The following AGBL4 variants were observed in gnomAD, a reference collection of about 807,000 sequenced individuals.
AGBL4 encodes AGBL carboxypeptidase 4.
In AGBL4, 58 loss-of-function variants were observed where a neutral mutation model predicts 66.4. The ratio of observed to expected loss-of-function variants is 0.87; its 90% confidence interval spans 0.71 to 1.09. The LOEUF (loss-of-function observed/expected upper bound fraction) is 1.09. Among genes scored for constraint, AGBL4 ranks in the 50% least tolerant of loss-of-function variants. The pLI is 0.00. For missense variants in AGBL4, 579 were observed against 631.0 expected (o/e 0.92, Z 0.88); for synonymous variants, 234 against 222.9 (o/e 1.05, Z -0.44).
chr1:48,551,780 C>T (rs554942125), intron 11 of AGBL4, among the ~76,000 whole-genome samples: 112 of 152,068 alleles, frequency 7.4e-4, no homozygotes, highest in African/African-American at 2.3e-3. Flanking sequence ...TCTCACTCTC[C>T]GCTCTACCCT....
At chr1:49,860,468 C>G (rs1646541275) in intron 1 of AGBL4, among the ~76,000 whole-genome samples, 1 of 152,142 alleles carries the variant, frequency 6.6e-6, no homozygotes, top group African/African-American at 2.4e-5. Context: ...AAGGCAGATG[C>G]AAGTGAATCG....
rs529425173 is a variant in AGBL4 at position 49,045,607 on chromosome 1, G to A, written c.571C>T (p.Arg191Trp). 2.2e-5 allele frequency: 35 copies of A among 1,604,156 alleles called. No individual in the cohort carries two copies. The highest frequency in any genetic ancestry group is 2.0e-4 in the East Asian group (9 of 44,490). ...LQKRNMDYFF[R>W]EQLGQSVQQR... ...ACCACACTCTGGCCCAGCTGCTCCC[G>A]AAAGAAGTAATCCATGTTTCTCTTT... Residue 191 changes from arginine (R) to tryptophan (W), a missense_variant, in exon 5 of 14, where the codon CGG (arginine) becomes TGG (tryptophan). Arg to Trp is a moderately radical substitution (Grantham distance 101). Coordinates refer to ENST00000371839, the MANE Select transcript of AGBL4 (RefSeq NM_032785.4).
intron 3 of AGBL4, among the ~76,000 whole-genome samples, chr1:49,544,637 G>A (rs182660655): frequency 1.1e-4 from 17 of 152,268 alleles, no homozygotes; most frequent in South Asian, 2.1e-4. Flanking sequence ...TTTTATGTGC[G>A]CAGCATAATC....
At chr1:49,075,364 T>C (rs1456680291) in intron 4 of AGBL4, among the ~76,000 whole-genome samples, 1 of 152,158 alleles carries the variant, frequency 6.6e-6, no homozygotes, top group African/African-American at 2.4e-5. Flanking sequence ...CAAATCAAAG[T>C]AAGCAAGGAA....
chr1:49,780,968 T>C (rs1286267940), intron 2 of AGBL4, among the ~76,000 whole-genome samples: 4 of 152,128 alleles, frequency 2.6e-5, no homozygotes, highest in Non-Finnish European at 4.4e-5. Context: ...ATATTCTCTC[T>C]ACAGGAAACA....
intron 3 of AGBL4, among the ~76,000 whole-genome samples, chr1:49,417,095 A>T (rs1645443376): frequency 6.6e-6 from 1 of 152,082 alleles, no homozygotes; most frequent in African/African-American, 2.4e-5. Flanking sequence ...AATTGACAAT[A>T]AATTAAAGTC....
At chr1:49,945,533 C>T (rs904114791) in intron 1 of AGBL4, among the ~76,000 whole-genome samples, 4 of 152,080 alleles carry the variant, frequency 2.6e-5, no homozygotes, top group Non-Finnish European at 5.9e-5. Flanking sequence ...TTCACCACTA[C>T]TAAGCCAGCA....
At chr1:49,154,484 G>T (rs1231135973) in intron 4 of AGBL4, among the ~76,000 whole-genome samples, 2 of 152,032 alleles carry the variant, frequency 1.3e-5, no homozygotes, top group African/African-American at 4.8e-5. Context: ...CCTCAACACT[G>T]CACAAAATAC....
intron 1 of AGBL4, among the ~76,000 whole-genome samples, chr1:49,939,712 T>G (rs867110839): frequency 2.6e-5 from 4 of 152,150 alleles, no homozygotes; most frequent in African/African-American, 9.6e-5. Flanking sequence ...TCAAGATGGA[T>G]TAGACTTAAA....
intron 4 of AGBL4, among the ~76,000 whole-genome samples, chr1:49,245,226 C>A (rs1391039684): frequency 2.7e-5 from 4 of 149,892 alleles, no homozygotes; most frequent in Non-Finnish European, 5.9e-5. Context: ...CTCCTCCTCA[C>A]TATAGCAATG....
intron 3 of AGBL4, among the ~76,000 whole-genome samples, chr1:49,430,177 T>G (rs769190936): frequency 6.6e-6 from 1 of 152,040 alleles, no homozygotes; most frequent in Non-Finnish European, 1.5e-5. Flanking sequence ...CTTGTTCACC[T>G]CAGATACTTC....
At chr1:48,764,152 T>C (rs1049349755) in intron 6 of AGBL4, among the ~76,000 whole-genome samples, 1 of 152,178 alleles carries the variant, frequency 6.6e-6, no homozygotes, top group African/African-American at 2.4e-5. Flanking sequence ...GAGAAGTAAC[T>C]GCTAAAGGAT....
At chr1:49,104,777 T>C (rs1273185086) in intron 4 of AGBL4, among the ~76,000 whole-genome samples, 2 of 152,200 alleles carry the variant, frequency 1.3e-5, no homozygotes, top group African/African-American at 4.8e-5. Context: ...GGAGGCACTA[T>C]AGGTCTGAGA....
chr1:48,946,628 C>G (rs996962170), intron 5 of AGBL4, among the ~76,000 whole-genome samples: 1 of 152,192 alleles, frequency 6.6e-6, no homozygotes, highest in South Asian at 2.1e-4. Flanking sequence ...CACTCTGTGT[C>G]GGGTTCCTTC....
In AGBL4 at chr1:48,593,629, T is replaced by A. The variant is rs180912769; in HGVS notation, c.952-2644A>T. On this transcript the variant is annotated intron_variant, in intron 9 of 13. Transcript: ENST00000371839. Reference sequence around the variant, plus strand: ...AGCTGGGCAGGGTGGTGGGTGCCTATAATCCCAGCTACTCAGGAGGCTGAG... The same window carrying A: ...AGCTGGGCAGGGTGGTGGGTGCCTAAAATCCCAGCTACTCAGGAGGCTGAG... Among the ~76,000 whole-genome samples the A allele has an allele frequency of 9.9e-4, 151 of 152,162 alleles. 1 individual carries two copies. Among genetic ancestry groups the A allele is most frequent in the African/African-American group, 3.5e-3 (144 of 41,512 alleles).
At chr1:49,270,791 G>A (rs1311329319) in intron 3 of AGBL4, among the ~76,000 whole-genome samples, 1 of 152,000 alleles carries the variant, frequency 6.6e-6, no homozygotes, top group East Asian at 1.9e-4. Flanking sequence ...AATTATCAAT[G>A]GCAAAAAGAT....
At chr1:48,914,224 G>T (rs1268437117) in intron 5 of AGBL4, among the ~76,000 whole-genome samples, 1 of 152,220 alleles carries the variant, frequency 6.6e-6, no homozygotes, top group African/African-American at 2.4e-5. Flanking sequence ...CTGACTGGAA[G>T]GGTGTGGTGG....
At position 48,564,987 on chromosome 1, in the gene AGBL4, A is replaced by C. The variant is rs139174955; in HGVS notation, c.1267+22017T>G. Among the ~76,000 whole-genome samples, 318 of 152,320 alleles carry C rather than the reference A, an allele frequency of 2.1e-3. 5 individuals carry two copies. Among genetic ancestry groups the C allele is most frequent in the Middle Eastern group, 3.4e-3 (1 of 294 alleles). On this transcript the variant is annotated intron_variant, in intron 11 of 13. Coordinates refer to ENST00000371839, the MANE Select transcript of AGBL4 (RefSeq NM_032785.4). ...GCTCCCTGTTCAGGGGAATTTTCAC[A>C]GTCTGTGCTGTCTCCTCCCCTTTGG...
At chr1:48,551,385 T>C (rs1644246189) in intron 11 of AGBL4, among the ~76,000 whole-genome samples, 1 of 152,190 alleles carries the variant, frequency 6.6e-6, no homozygotes, top group Non-Finnish European at 1.5e-5. Context: ...AGAAATTATA[T>C]ATCCAAGATA....
Sources: allele counts gnomAD v4.1 joint callset (sites outside exome capture counted in the v4.1 genomes callset), GRCh38; gene constraint gnomAD v4.1.1; transcripts MANE v1.5; gene names NCBI Gene and HGNC (gene_info 2026-07-23, HGNC 2026-07-21).